Variants in SLC16A1 observed in about 807,000 individuals in gnomAD.
The protein encoded by SLC16A1 is monocarboxylate transporter 1.
Under a neutral mutation model 32.2 loss-of-function variants are expected in SLC16A1, and 11 were observed. That is an observed-to-expected ratio of 0.34 (90% CI 0.21 to 0.56). SLC16A1 has a LOEUF of 0.56. Ranked by LOEUF, SLC16A1 falls within the 20% of genes least tolerant of loss-of-function variation. The pLI, the probability that SLC16A1 is intolerant of heterozygous loss-of-function variation, is 0.87. For synonymous variants in SLC16A1, 231 were observed against 226.8 expected (o/e 1.02, Z -0.17); for missense variants, 435 against 615.0 (o/e 0.71, Z 3.10).
At chr1:112,942,045 C>T (rs1217568283) in intron 1 of SLC16A1, among the ~76,000 whole-genome samples, 1 of 152,126 alleles carries the variant, frequency 6.6e-6, no homozygotes, top group Non-Finnish European at 1.5e-5. Context: ...GATCTTGGCT[C>T]ACTGCAACCT....
rs1179964539 is a variant in SLC16A1 at position 112,944,944 on chromosome 1, C to T, written c.-45+11091G>A. 4.0e-5 allele frequency among the ~76,000 whole-genome samples: 6 copies of T among 150,972 alleles called. No individual in the cohort carries two copies. The East Asian group carries it at 1.2e-3, about 29-fold the overall frequency. On this transcript the variant is annotated intron_variant, in intron 1 of 4. Transcript: ENST00000369626. ...CTGACCTCAAATGATCTGCCCGTCT[C>T]GGCCTCCCAAAGTGCTGGGATTACA...
intron 2 of SLC16A1, 85 bp from the exon 3 acceptor site, chr1:112,922,218 C>A: frequency 7.6e-7 from 1 of 1,307,712 alleles, no homozygotes. Context: ...AATGACAAAT[C>A]CTCCAAAATA....
At chr1:112,931,067 C>CA (rs1392266455) in intron 1 of SLC16A1, among the ~76,000 whole-genome samples, 8 of 152,000 alleles carry the variant, frequency 5.3e-5, no homozygotes, top group Non-Finnish European at 1.2e-4. Context: ...TTACCTTTTC[C>CA]AAAATATATT....
chr1:112,951,583 T>C (rs1649899017), intron 1 of SLC16A1, among the ~76,000 whole-genome samples: 1 of 152,198 alleles, frequency 6.6e-6, no homozygotes, highest in East Asian at 1.9e-4. Context: ...GTGATTCTAC[T>C]AGGTATTCTC....
chr1:112,930,706 A>G (rs1305854712), intron 1 of SLC16A1, among the ~76,000 whole-genome samples: 1 of 151,918 alleles, frequency 6.6e-6, no homozygotes, highest in East Asian at 1.9e-4. Context: ...CATAATACAT[A>G]ACCTACAAAC....
chr1:112,945,713 C>T (rs946546827), intron 1 of SLC16A1, among the ~76,000 whole-genome samples: 1 of 150,956 alleles, frequency 6.6e-6, no homozygotes, highest in Admixed American at 6.6e-5. Flanking sequence ...CTACTGTTGT[C>T]CAGGTGCGGT....
chr1:112,949,819 G>A (rs149080824), intron 1 of SLC16A1, among the ~76,000 whole-genome samples: 8 of 152,064 alleles, frequency 5.3e-5, no homozygotes, highest in African/African-American at 1.7e-4. Flanking sequence ...GATTACAGAC[G>A]TGAGCCACGT....
In SLC16A1 at chr1:112,914,149, C is replaced by T; in HGVS notation, c.1245G>A (p.Met415Ile). The T allele has an allele frequency of 6.2e-7, 1 of 1,614,166 alleles. No individual in the cohort carries two copies. The highest frequency in any genetic ancestry group is 2.2e-5 in the East Asian group (1 of 44,884). ...GPPLLGRLND[M>I]YGDYKYTYWA... ...AGTATGTGTATTTGTAGTCTCCATA[C>T]ATGTCATTGAGCCGACCTAAATATG... Residue 415 changes from methionine to isoleucine, a missense_variant, in exon 5 of 5, where the codon ATG becomes ATA. Met to Ile is a conservative substitution (Grantham distance 10). Around this residue, in one of 2 missense-constraint regions of SLC16A1, gnomAD observed 111 missense variants for 114.7 expected, o/e 0.97. Transcript: ENST00000369626.
chr1:112,915,606 G>C (rs1648475536), intron 4 of SLC16A1, among the ~76,000 whole-genome samples: 1 of 152,182 alleles, frequency 6.6e-6, no homozygotes, highest in Non-Finnish European at 1.5e-5. Context: ...AGAACAGCTA[G>C]AACTGATACA....
chr1:112,939,267 T>C (rs1220181813), intron 1 of SLC16A1, among the ~76,000 whole-genome samples: 3 of 152,232 alleles, frequency 2.0e-5, no homozygotes, highest in Non-Finnish European at 4.4e-5. Context: ...GAAACCCATG[T>C]ACACTGTTGG....
rs199602792 is a variant in SLC16A1 at position 112,938,710 on chromosome 1, AAAG to A, written c.-44-9361_-44-9359del. 9.0e-3 allele frequency among the ~76,000 whole-genome samples: 1,378 copies of A among 152,272 alleles called. 23 individuals carry two copies. The highest frequency in any genetic ancestry group is 0.032 in the African/African-American group (1,317 of 41,534). ...TAACAACTTGCTAACTCGAATGCTT[AAAG>A]AAGGATTTTAGGCCTATCTTTCAGA... On this transcript the variant is annotated intron_variant, in intron 1 of 4. Transcript: ENST00000369626.
chr1:112,918,289 C>T (rs1648591629), intron 3 of SLC16A1, among the ~76,000 whole-genome samples: 1 of 152,080 alleles, frequency 6.6e-6, no homozygotes, highest in South Asian at 2.1e-4. Context: ...GTAAAACGGG[C>T]ACAGGTCACT....
intron 4 of SLC16A1, among the ~76,000 whole-genome samples, 187 bp from the exon 5 acceptor site, chr1:112,914,352 T>A (rs1648430186): frequency 6.6e-6 from 1 of 152,246 alleles, no homozygotes; most frequent in Non-Finnish European, 1.5e-5. Flanking sequence ...TCATGGATTT[T>A]AAGTGGCCTT....
intron 1 of SLC16A1, among the ~76,000 whole-genome samples, chr1:112,933,344 C>CGG (rs1649199474): frequency 6.7e-6 from 1 of 150,304 alleles, no homozygotes; most frequent in South Asian, 2.1e-4. Flanking sequence ...CCCAGCTACT[C>CGG]GGGAGGCTGA....
intron 1 of SLC16A1, among the ~76,000 whole-genome samples, chr1:112,954,682 T>C (rs1030262543): frequency 1.3e-5 from 2 of 152,230 alleles, no homozygotes; most frequent in South Asian, 4.1e-4. Flanking sequence ...CTCAGATCAT[T>C]AACTTGCATA....
chr1:112,915,894 C>T (rs1648486481), intron 4 of SLC16A1, among the ~76,000 whole-genome samples: 1 of 152,092 alleles, frequency 6.6e-6, no homozygotes, highest in African/African-American at 2.4e-5. Flanking sequence ...TATTTTTTCA[C>T]TATGTGTTAT....
At chr1:112,928,147 C>T (rs1018173816) in intron 2 of SLC16A1, among the ~76,000 whole-genome samples, 5 of 152,126 alleles carry the variant, frequency 3.3e-5, no homozygotes, top group African/African-American at 1.2e-4. Context: ...ACAGTGGAAA[C>T]ATAAGTCTTC....
chr1:112,953,066 C>T (rs1266129347), intron 1 of SLC16A1, among the ~76,000 whole-genome samples: 1 of 152,044 alleles, frequency 6.6e-6, no homozygotes, highest in Non-Finnish European at 1.5e-5. Flanking sequence ...CAACAGCCTC[C>T]TTTCAGCCTG....
intron 1 of SLC16A1, among the ~76,000 whole-genome samples, chr1:112,944,961 G>A (rs183215049): frequency 1.3e-5 from 2 of 150,458 alleles, no homozygotes; most frequent in Admixed American, 6.6e-5. Flanking sequence ...CCAAAGTGCT[G>A]GGATTACAGG....
Sources: allele counts gnomAD v4.1 joint callset (sites outside exome capture counted in the v4.1 genomes callset), GRCh38; gene constraint gnomAD v4.1.1; regional missense constraint gnomAD v4.1.1; transcripts MANE v1.5; gene names NCBI Gene and HGNC (gene_info 2026-07-23, HGNC 2026-07-21).